CCNY: variants seen among roughly 807,000 people sequenced by gnomAD.
CCNY encodes the protein cyclin-Y.
In CCNY, 19 loss-of-function variants were observed where a neutral mutation model predicts 42.8. The observed-to-expected ratio is 0.44, with a 90% CI of 0.31 to 0.65. The LOEUF is 0.65. CCNY is among the 30% of genes least tolerant of loss of function. The probability of loss-of-function intolerance (pLI) is 0.07; values close to 1 mark genes in which losing one functional copy is unlikely to be tolerated. For missense variants in CCNY, 370 were observed against 437.3 expected (o/e 0.85, Z 1.37); for synonymous variants, 165 against 162.7 (o/e 1.01, Z -0.11).
chr10:35,476,839 A>C (rs1173524825), intron 1 of CCNY, among the ~76,000 whole-genome samples: 3 of 152,222 alleles, frequency 2.0e-5, no homozygotes, highest in African/African-American at 7.2e-5. Flanking sequence ...AAAATCAATG[A>C]ATCCAGGAGC....
At chr10:35,357,845 A>G (rs561590250) in intron 1 of CCNY, among the ~76,000 whole-genome samples, 11 of 152,310 alleles carry the variant, frequency 7.2e-5, no homozygotes, top group African/African-American at 2.6e-4. Flanking sequence ...TCTTGTAAGG[A>G]AAAGCTCTCC....
At chr10:35,326,393 CA>C (rs1001752805) in intron 3 of CCNY, among the ~76,000 whole-genome samples, 2 of 152,116 alleles carry the variant, frequency 1.3e-5, no homozygotes, top group African/African-American at 4.8e-5. Flanking sequence ...GCAGGGCGCT[CA>C]AAAGGATGGA....
intron 4 of CCNY, among the ~76,000 whole-genome samples, chr10:35,519,890 G>A (rs1368570975): frequency 4.5e-5 from 6 of 133,912 alleles, no homozygotes; most frequent in Non-Finnish European, 6.1e-5. Flanking sequence ...AGATCCTCCC[G>A]CCTTAGCCTT....
intron 2 of CCNY, among the ~76,000 whole-genome samples, chr10:35,249,904 G>C (rs548840608): frequency 7.5e-4 from 114 of 151,960 alleles, no homozygotes; most frequent in Non-Finnish European, 1.3e-3. Flanking sequence ...ACAAAAATTA[G>C]CCGGGTGTGG....
At chr10:35,433,522 A>G (rs1838459447) in intron 1 of CCNY, among the ~76,000 whole-genome samples, 1 of 152,230 alleles carries the variant, frequency 6.6e-6, no homozygotes, top group Non-Finnish European at 1.5e-5. Flanking sequence ...AAGTAGAAAA[A>G]TTAGATATGT....
At chr10:35,263,585 A>G (rs554796500) in intron 3 of CCNY, among the ~76,000 whole-genome samples, 12 of 152,014 alleles carry the variant, frequency 7.9e-5, no homozygotes, top group African/African-American at 2.7e-4. Flanking sequence ...AGGGGAGGAG[A>G]GAGGAAAGGA....
At chr10:35,280,664 A>C (rs1046943011) in intron 3 of CCNY, among the ~76,000 whole-genome samples, 9 of 152,372 alleles carry the variant, frequency 5.9e-5, no homozygotes, top group African/African-American at 2.2e-4. Context: ...AAAAGTAAAC[A>C]TAGAAATAAT....
At chr10:35,508,795 T>C (rs530888775) in intron 3 of CCNY, among the ~76,000 whole-genome samples, 89 of 152,340 alleles carry the variant, frequency 5.8e-4, no homozygotes, top group Admixed American at 1.6e-3. Context: ...TTTAAAAATA[T>C]ACAGTTCAGT....
upstream of CCNY, among the ~76,000 whole-genome samples, chr10:35,331,734 G>A (rs1254677746): frequency 2.0e-5 from 3 of 152,138 alleles, no homozygotes; most frequent in African/African-American, 4.8e-5. Context: ...TTATTTGGAC[G>A]CACAATTTCT....
At chr10:35,479,655 G>T (rs1347710446) in intron 1 of CCNY, among the ~76,000 whole-genome samples, 1 of 150,344 alleles carries the variant, frequency 6.7e-6, no homozygotes, top group Non-Finnish European at 1.5e-5. Flanking sequence ...TATACCTAAT[G>T]CTAGATGACG....
At chr10:35,543,891 T>A (rs1354032719) in intron 7 of CCNY, among the ~76,000 whole-genome samples, 1 of 152,142 alleles carries the variant, frequency 6.6e-6, no homozygotes, top group East Asian at 1.9e-4. Flanking sequence ...GGCTAATGTG[T>A]GTTGATGTCT....
intron 4 of CCNY, among the ~76,000 whole-genome samples, chr10:35,519,148 C>G (rs935781516): frequency 7.3e-5 from 11 of 151,682 alleles, no homozygotes; most frequent in Non-Finnish European, 1.5e-4. Flanking sequence ...TTGAATTTGG[C>G]TGAGGTATAC....
chr10:35,543,579 TG>T (rs1841048444), intron 7 of CCNY, among the ~76,000 whole-genome samples: 1 of 152,226 alleles, frequency 6.6e-6, no homozygotes. Context: ...CTGTCAGACA[TG>T]TAAAAGTCTA....
At chr10:35,254,806 G>C (rs914156684) in intron 3 of CCNY, among the ~76,000 whole-genome samples, 3 of 148,456 alleles carry the variant, frequency 2.0e-5, no homozygotes, top group Admixed American at 1.3e-4. Context: ...ACTCCAGTCT[G>C]GGGGAAAGAG....
At chr10:35,525,777 A>C (rs1840638979) in intron 4 of CCNY, among the ~76,000 whole-genome samples, 187 bp from the exon 5 acceptor site, 1 of 152,206 alleles carries the variant, frequency 6.6e-6, no homozygotes, top group African/African-American at 2.4e-5. Flanking sequence ...CCTGGGAATT[A>C]GTGCCACATT....
intron 3 of CCNY, among the ~76,000 whole-genome samples, chr10:35,502,327 A>T (rs1840127313): frequency 6.6e-6 from 1 of 152,250 alleles, no homozygotes; most frequent in African/African-American, 2.4e-5. Flanking sequence ...CTAAGTCCTC[A>T]TTCTAAAAAC....
Position 35,300,293 on chromosome 10 carries a change from C to CTGCCACGCCCTGCCTGAGA in CCNY, c.-9+49686_-9+49704dup, listed in dbSNP as rs1176254915. On this transcript the variant is annotated intron_variant, in intron 3 of 11. Transcript: ENST00000374706. ...GCTCTGTCTCATCAAAGCAGCAAGG[C>CTGCCACGCCCTGCCTGAGA]TGCCACGCCCTGCCTGAGATGCCAC... Among the ~76,000 whole-genome samples the CTGCCACGCCCTGCCTGAGA allele has an allele frequency of 2.0e-5, 3 of 152,178 alleles. No individual in the cohort carries two copies. The East Asian group carries it at 5.8e-4, about 29-fold the overall frequency.
intron 4 of CCNY, among the ~76,000 whole-genome samples, chr10:35,523,439 GCCTCTTTGGGCAGTCACTT>G (rs1003786101): frequency 6.6e-6 from 1 of 152,170 alleles, no homozygotes; most frequent in African/African-American, 2.4e-5. Context: ...TCAGCTGATG[GCCTCTTTGGGCAGTCACTT>G]CCTTCAAGAC....
chr10:35,302,758 A>C (rs900802053), intron 3 of CCNY, among the ~76,000 whole-genome samples: 1 of 152,244 alleles, frequency 6.6e-6, no homozygotes, highest in Non-Finnish European at 1.5e-5. Context: ...TAATTTCTCA[A>C]TTAGTAGCAA....
Sources: allele counts gnomAD v4.1 joint callset (sites outside exome capture counted in the v4.1 genomes callset), GRCh38; gene constraint gnomAD v4.1.1; transcripts MANE v1.5; gene names NCBI Gene and HGNC (gene_info 2026-07-23, HGNC 2026-07-21).